TIAM1: variants seen among roughly 807,000 people sequenced by gnomAD.
TIAM1 encodes TIAM Rac1 associated GEF 1, also known as rho guanine nucleotide exchange factor TIAM1.
Under a neutral mutation model 163.5 loss-of-function variants are expected in TIAM1, and 65 were observed. That is an observed-to-expected ratio of 0.40 (90% CI 0.33 to 0.49). The LOEUF is 0.49. TIAM1 is among the 20% of genes least tolerant of loss of function. TIAM1 has a pLI of 0.77. For synonymous variants in TIAM1, 833 were observed against 810.1 expected (o/e 1.03, Z -0.48); for missense variants, 1,789 against 2,044.7 (o/e 0.87, Z 2.41).
intron 15 of TIAM1, among the ~76,000 whole-genome samples, chr21:31,173,861 CAT>C (rs776688395): frequency 5.9e-5 from 9 of 152,154 alleles, no homozygotes; most frequent in Non-Finnish European, 1.2e-4. Context: ...GTCTCCGAAA[CAT>C]GTTTTTTCAC....
chr21:31,265,015 T>G (rs2072675445), intron 4 of TIAM1, among the ~76,000 whole-genome samples: 1 of 152,142 alleles, frequency 6.6e-6, no homozygotes, highest in Non-Finnish European at 1.5e-5. Flanking sequence ...TCTTTCTTTC[T>G]TTCTTTTATT....
intron 2 of TIAM1, among the ~76,000 whole-genome samples, chr21:31,424,406 G>A (rs935120152): frequency 6.6e-6 from 1 of 152,178 alleles, no homozygotes; most frequent in Non-Finnish European, 1.5e-5. Flanking sequence ...CCACCAACAG[G>A]TGTGTGGATA....
At chr21:31,229,031 G>A (rs1476340838) in intron 6 of TIAM1, among the ~76,000 whole-genome samples, 2 of 152,180 alleles carry the variant, frequency 1.3e-5, no homozygotes, top group African/African-American at 2.4e-5. Context: ...TCCCTCCCAC[G>A]ACAAGTGGGG....
intron 2 of TIAM1, among the ~76,000 whole-genome samples, chr21:31,434,797 T>G (rs977700465): frequency 6.6e-6 from 1 of 152,220 alleles, no homozygotes; most frequent in Non-Finnish European, 1.5e-5. Context: ...CTACAAGGAC[T>G]GTGGTGAGCT....
At chr21:31,308,417 T>A (rs2074798937) in intron 2 of TIAM1, among the ~76,000 whole-genome samples, 1 of 151,022 alleles carries the variant, frequency 6.6e-6, no homozygotes. Context: ...CCTATATATT[T>A]TATATATTTA....
At chr21:31,327,732 C>T (rs550113454) in intron 2 of TIAM1, among the ~76,000 whole-genome samples, 1 of 151,454 alleles carries the variant, frequency 6.6e-6, no homozygotes, top group African/African-American at 2.4e-5. Context: ...TAAAGACCAC[C>T]CCACCATCAC....
At chr21:31,438,179 CTTTTTTTTTTTTTT>C (rs34844399) in intron 2 of TIAM1, among the ~76,000 whole-genome samples, 662 of 62,754 alleles carry the variant, frequency 0.011, 13 homozygotes, top group Middle Eastern at 0.045. Flanking sequence ...TATTTGTGAT[CTTTTTTTTTTTTTT>C]TTTTTTTTTT....
intron 2 of TIAM1, among the ~76,000 whole-genome samples, chr21:31,409,709 T>A (rs542708374): frequency 0.35 from 1,263 of 3,578 alleles, 22 homozygotes; most frequent in African/African-American, 0.46. Context: ...CCTCTCCATC[T>A]CTCCTCCAGT....
At chr21:31,344,372 T>C (rs2076105707), upstream of TIAM1, 1 of 152,296 alleles carries the variant, frequency 6.6e-6, no homozygotes, top group South Asian at 2.1e-4. Context: ...CCCTCTCCAA[T>C]TTAATTCTTC....
intron 2 of TIAM1, among the ~76,000 whole-genome samples, chr21:31,369,846 G>A (rs11909468): frequency 0.014 from 2,179 of 152,236 alleles, 48 homozygotes; most frequent in African/African-American, 0.05. Flanking sequence ...TTAGCTGGGC[G>A]TGGTGGCACG....
chr21:31,296,858 T>C (rs559715533), intron 2 of TIAM1, among the ~76,000 whole-genome samples: 2 of 152,222 alleles, frequency 1.3e-5, no homozygotes, highest in Admixed American at 6.5e-5. Flanking sequence ...AGAGATGGGG[T>C]TTCATCGTGT....
At chr21:31,314,065 T>G (rs1254491485) in intron 2 of TIAM1, among the ~76,000 whole-genome samples, 2 of 152,106 alleles carry the variant, frequency 1.3e-5, no homozygotes, top group Non-Finnish European at 2.9e-5. Context: ...TATGGAAGAA[T>G]TACGCTATGA....
At chr21:31,498,161 A>G (rs1602423168) in intron 1 of TIAM1, among the ~76,000 whole-genome samples, 1 of 152,224 alleles carries the variant, frequency 6.6e-6, no homozygotes, top group East Asian at 1.9e-4. Context: ...ATAACAGCCA[A>G]CAAGCCATTT....
intron 2 of TIAM1, among the ~76,000 whole-genome samples, chr21:31,364,515 A>G (rs564079292): frequency 3.3e-5 from 5 of 152,370 alleles, no homozygotes; most frequent in Admixed American, 2.6e-4. Context: ...ATATTTGAGC[A>G]TGTGATGGTA....
At chr21:31,549,114 G>T (rs1423205671) in intron 1 of TIAM1, among the ~76,000 whole-genome samples, 1 of 152,136 alleles carries the variant, frequency 6.6e-6, no homozygotes, top group East Asian at 1.9e-4. Flanking sequence ...AAATAACTGA[G>T]TGATTCAGAG....
chr21:31,518,273 G>T (rs1242893089), intron 1 of TIAM1, among the ~76,000 whole-genome samples: 2 of 151,856 alleles, frequency 1.3e-5, no homozygotes, highest in Admixed American at 6.6e-5. Flanking sequence ...AATGAGTGGG[G>T]TTTTTTTGTG....
chr21:31,399,571 G>C (rs1053818618), intron 2 of TIAM1, among the ~76,000 whole-genome samples: 2 of 152,142 alleles, frequency 1.3e-5, no homozygotes, highest in Non-Finnish European at 2.9e-5. Context: ...TCACAGCAAA[G>C]GTTGCAAAAT....
Position 31,467,112 on chromosome 21 carries a change from G to A in TIAM1, c.-421-3077C>T, listed in dbSNP as rs561825176. 3.3e-5 allele frequency among the ~76,000 whole-genome samples: 5 copies of A among 152,252 alleles called. No homozygotes were observed. The Middle Eastern group carries it at 0.01, about 311-fold the overall frequency. On this transcript the variant is annotated intron_variant, in intron 1 of 28. Transcript: ENST00000286827. ...TTCCATAATCCCCAAATCCAAAGGAGAGCATTTAAAGCTGACCCCAGCCTG... is the reference window on the plus strand; with the variant it reads ...TTCCATAATCCCCAAATCCAAAGGAAAGCATTTAAAGCTGACCCCAGCCTG...
chr21:31,557,390 G>C (rs1272730677), intron 1 of TIAM1, among the ~76,000 whole-genome samples: 2 of 152,148 alleles, frequency 1.3e-5, no homozygotes, highest in African/African-American at 4.8e-5. Context: ...TTTCATACGT[G>C]GCTGTCACTG....
Sources: allele counts gnomAD v4.1 joint callset (sites outside exome capture counted in the v4.1 genomes callset), GRCh38; gene constraint gnomAD v4.1.1; transcripts MANE v1.5; gene names NCBI Gene and HGNC (gene_info 2026-07-23, HGNC 2026-07-21).